CSMD1: variants seen among roughly 807,000 people sequenced by gnomAD.
The protein encoded by CSMD1 is CUB and Sushi multiple domains 1, also known as CUB and sushi domain-containing protein 1.
Under a neutral mutation model 417.5 loss-of-function variants are expected in CSMD1, and 213 were observed. The ratio of observed to expected loss-of-function variants is 0.51; its 90% confidence interval spans 0.46 to 0.57. The LOEUF (loss-of-function observed/expected upper bound fraction) is 0.57. CSMD1 is among the 20% of genes least tolerant of loss of function. The pLI, the probability that CSMD1 is intolerant of heterozygous loss-of-function variation, is 0.00. For synonymous variants in CSMD1, 2,862 were observed against 1,736.8 expected, an observed-to-expected ratio of 1.65 and a Z score of -16.11; for missense variants, 6,923 against 4,529.7, an observed-to-expected ratio of 1.53 and a Z score of -15.17.
intron 2 of CSMD1, among the ~76,000 whole-genome samples, chr8:4,602,933 A>T (rs1172934661): frequency 6.6e-6 from 1 of 151,928 alleles, no homozygotes; most frequent in Non-Finnish European, 1.5e-5. Context: ...ATTATGTATG[A>T]ATGTAACTAT....
intron 5 of CSMD1, among the ~76,000 whole-genome samples, chr8:3,920,001 T>G (rs2129143510): frequency 6.6e-6 from 1 of 152,164 alleles, no homozygotes; most frequent in Admixed American, 6.5e-5. Context: ...AATTTTTTTT[T>G]ACTTTAGGAT....
intron 2 of CSMD1, among the ~76,000 whole-genome samples, chr8:4,607,532 G>A (rs535698466): frequency 2.0e-5 from 3 of 152,122 alleles, no homozygotes; most frequent in African/African-American, 7.2e-5. Context: ...TCAACATGGT[G>A]CTGAATTTGA....
intron 5 of CSMD1, among the ~76,000 whole-genome samples, chr8:3,868,667 C>T (rs1204341620): frequency 6.6e-6 from 1 of 152,170 alleles, no homozygotes; most frequent in Non-Finnish European, 1.5e-5. Context: ...CATACCTCTG[C>T]AATCTTTCCA....
At chr8:3,062,394 G>A (rs1032748927) in intron 49 of CSMD1, among the ~76,000 whole-genome samples, 26 of 152,170 alleles carry the variant, frequency 1.7e-4, no homozygotes, top group South Asian at 2.1e-4. Flanking sequence ...GTGCGATGTC[G>A]GGTGTTTCCA....
intron 2 of CSMD1, among the ~76,000 whole-genome samples, chr8:4,560,686 A>T (rs1949910): frequency 0.19 from 28,818 of 152,128 alleles, 3,078 homozygotes; most frequent in African/African-American, 0.3. Flanking sequence ...TTTACAAGCA[A>T]GATTTCATTT....
At chr8:4,472,747 T>G (rs1006574037) in intron 2 of CSMD1, among the ~76,000 whole-genome samples, 6 of 151,970 alleles carry the variant, frequency 3.9e-5, no homozygotes, top group Non-Finnish European at 8.8e-5. Context: ...CTGTGGACGT[T>G]CACTTCTTTT....
At chr8:4,170,895 A>C (rs1000235311) in intron 3 of CSMD1, among the ~76,000 whole-genome samples, 1 of 151,872 alleles carries the variant, frequency 6.6e-6, no homozygotes, top group African/African-American at 2.4e-5. Flanking sequence ...GTGCATTCAA[A>C]TCACTTTTCC....
chr8:4,828,575 G>A (rs969741965), intron 1 of CSMD1, among the ~76,000 whole-genome samples: 3 of 152,070 alleles, frequency 2.0e-5, no homozygotes, highest in African/African-American at 4.8e-5. Flanking sequence ...ACTCCAGACT[G>A]TTGTGCCTAC....
At chr8:3,058,800 G>T (rs1812402839) in intron 49 of CSMD1, among the ~76,000 whole-genome samples, 1 of 151,822 alleles carries the variant, frequency 6.6e-6, no homozygotes, top group South Asian at 2.1e-4. Flanking sequence ...GCCCACACAC[G>T]GTTTACAAAC....
intron 5 of CSMD1, among the ~76,000 whole-genome samples, chr8:3,961,161 C>A (rs1208612370): frequency 1.3e-5 from 2 of 152,104 alleles, no homozygotes; most frequent in African/African-American, 4.8e-5. Flanking sequence ...CTGTATTTCA[C>A]TAAGTTATCA....
At chr8:3,636,168 C>T (rs1160430059) in intron 7 of CSMD1, among the ~76,000 whole-genome samples, 1 of 152,190 alleles carries the variant, frequency 6.6e-6, no homozygotes, top group African/African-American at 2.4e-5. Context: ...GAATAATCAA[C>T]ATGACTTCTT....
intron 49 of CSMD1, among the ~76,000 whole-genome samples, chr8:3,068,646 G>C (rs116966888): frequency 0.015 from 2,247 of 152,232 alleles, 24 homozygotes; most frequent in South Asian, 0.036. Context: ...TTTCAAACAT[G>C]GCAGAAGGCC....
chr8:4,551,957 G>A (rs1433405224), intron 2 of CSMD1, among the ~76,000 whole-genome samples: 1 of 151,794 alleles, frequency 6.6e-6, no homozygotes, highest in Non-Finnish European at 1.5e-5. Context: ...AAAATGCTGG[G>A]ACTACAGGCA....
intron 7 of CSMD1, among the ~76,000 whole-genome samples, chr8:3,621,145 T>C (rs1430170903): frequency 1.3e-5 from 2 of 152,188 alleles, no homozygotes; most frequent in African/African-American, 4.8e-5. Flanking sequence ...CAAACCTTGA[T>C]CTCAGGCTTC....
At position 4,385,589 on chromosome 8, in the gene CSMD1, A is replaced by T. The variant is rs1462462433; in HGVS notation, c.415+34364T>A. Among the ~76,000 whole-genome samples, 5 of 152,198 alleles carry T rather than the reference A, an allele frequency of 3.3e-5. No homozygotes were observed. The South Asian group carries it at 1.0e-3, about 31-fold the overall frequency. ...AGTGTATTGTTTTTAAGGAGTAAGA[A>T]TGTTATTAATTGCTGATTTAATGTA... On this transcript the variant is annotated intron_variant, in intron 3 of 69. Coordinates refer to ENST00000635120, the MANE Select transcript of CSMD1 (RefSeq NM_033225.6).
At chr8:3,558,301 G>A (rs920496406) in intron 10 of CSMD1, among the ~76,000 whole-genome samples, 12 of 142,372 alleles carry the variant, frequency 8.4e-5, no homozygotes, top group Non-Finnish European at 1.4e-4. Context: ...ATGGAACTCC[G>A]TGTTCACTCC....
chr8:3,276,296 C>T (rs77157393), intron 26 of CSMD1, among the ~76,000 whole-genome samples: 41,689 of 151,914 alleles, frequency 0.27, 5,915 homozygotes, highest in African/African-American at 0.34. Flanking sequence ...TCTCCAGCTG[C>T]ATGCTGGGAG....
chr8:3,431,104 G>A (rs1814192726), intron 12 of CSMD1, among the ~76,000 whole-genome samples: 1 of 152,062 alleles, frequency 6.6e-6, no homozygotes, highest in African/African-American at 2.4e-5. Flanking sequence ...AGACAGTAAG[G>A]AGCCCATGAG....
chr8:4,250,552 G>T (rs970747867), intron 3 of CSMD1, among the ~76,000 whole-genome samples: 2 of 152,124 alleles, frequency 1.3e-5, no homozygotes, highest in Non-Finnish European at 2.9e-5. Flanking sequence ...CAAAAGTTTA[G>T]AATGGAAAGC....
Sources: allele counts gnomAD v4.1 joint callset (sites outside exome capture counted in the v4.1 genomes callset), GRCh38; gene constraint gnomAD v4.1.1; transcripts MANE v1.5; gene names NCBI Gene and HGNC (gene_info 2026-07-23, HGNC 2026-07-21).